The following GRIN2A variants were observed in gnomAD, a reference collection of about 807,000 sequenced individuals.
GRIN2A encodes glutamate ionotropic receptor NMDA type subunit 2A.
In GRIN2A, 22 loss-of-function variants were observed where a neutral mutation model predicts 113.4. That is an observed-to-expected ratio of 0.19 (90% CI 0.14 to 0.28). The LOEUF (loss-of-function observed/expected upper bound fraction) is 0.28, where lower values mean the gene tolerates loss of function less well. Among genes scored for constraint, GRIN2A ranks in the 10% least tolerant of loss-of-function variants. GRIN2A has a pLI of 1.00. For synonymous variants in GRIN2A, 827 were observed against 738.4 expected (o/e 1.12, Z -1.94); for missense variants, 1,502 against 1,887.0 (o/e 0.80, Z 3.78).
At chr16:9,772,161 C>G (rs965329776) in intron 11 of GRIN2A, among the ~76,000 whole-genome samples, 3 of 152,138 alleles carry the variant, frequency 2.0e-5, no homozygotes, top group Non-Finnish European at 2.9e-5. Context: ...TTTCTTCCAA[C>G]AGCCTCCCAT....
intron 2 of GRIN2A, among the ~76,000 whole-genome samples, chr16:10,107,233 C>A (rs191659555): frequency 6.6e-6 from 1 of 152,244 alleles, no homozygotes; most frequent in Admixed American, 6.5e-5. Context: ...TAGTCCCAGC[C>A]CCTGTGTCCA....
rs138117658 is a variant in GRIN2A, at chr16:9,938,297, G to A, written c.669C>T (p.His223=). The A allele has an allele frequency of 1.1e-4, 182 of 1,613,246 alleles. 2 individuals are homozygous for A. The African/African-American group carries it at 2.1e-3, about 19-fold the overall frequency. ...AKTQVQLKKI[H]SSVILLYCSK... is the part of the protein sequence containing the mutation. ...AACAGTAGAGCAAGATGACAGAAGA[G>A]TGGATCTTCTTCAGCTGGACTTGTG... Residue 223 remains histidine, a synonymous_variant, in exon 3 of 13, where the codon CAC becomes CAT. Coordinates refer to ENST00000330684, the MANE Select transcript of GRIN2A (RefSeq NM_001134407.3).
intron 2 of GRIN2A, among the ~76,000 whole-genome samples, chr16:10,067,957 C>T (rs2047680615): frequency 6.6e-6 from 1 of 152,242 alleles, no homozygotes; most frequent in Non-Finnish European, 1.5e-5. Context: ...TACAGATCAG[C>T]TCTGCTACTC....
chr16:9,804,519 CA>C (rs2041927589), intron 10 of GRIN2A, among the ~76,000 whole-genome samples: 1 of 152,034 alleles, frequency 6.6e-6, no homozygotes, highest in African/African-American at 2.4e-5. Flanking sequence ...GTGTTTCTCC[CA>C]CTGGGCAGGA....
Position 10,163,153 on chromosome 16 carries a change from G to C in GRIN2A, c.414+16845C>G, listed in dbSNP as rs78964394. On this transcript the variant is annotated intron_variant, in intron 2 of 12. Coordinates refer to ENST00000330684, the MANE Select transcript of GRIN2A (RefSeq NM_001134407.3). ...AATTGTTTGGGAATCTCTTGCCCTA[G>C]AAGACAGGGAACATGGGAGTGGGGA... is the stretch of plus-strand genomic sequence containing the variant. 4.5e-3 allele frequency among the ~76,000 whole-genome samples: 681 copies of C among 152,260 alleles called. 2 individuals carry two copies. The highest frequency in any genetic ancestry group is 0.015 in the African/African-American group (606 of 41,542).
chr16:10,086,108 T>C (rs1467567001), intron 2 of GRIN2A, among the ~76,000 whole-genome samples: 1 of 152,200 alleles, frequency 6.6e-6, no homozygotes, highest in Non-Finnish European at 1.5e-5. Flanking sequence ...AAGTGTTTGT[T>C]GAATTGGATG....
chr16:10,078,279 G>A (rs917221196), intron 2 of GRIN2A, among the ~76,000 whole-genome samples: 4 of 152,032 alleles, frequency 2.6e-5, no homozygotes, highest in East Asian at 1.9e-4. Flanking sequence ...AGCTTTACCA[G>A]CCAAGTGCCT....
chr16:9,974,581 G>A (rs890988022), intron 2 of GRIN2A, among the ~76,000 whole-genome samples: 2 of 152,100 alleles, frequency 1.3e-5, no homozygotes, highest in Non-Finnish European at 2.9e-5. Context: ...GCCGATGCTC[G>A]CGGCCGAATA....
intron 2 of GRIN2A, among the ~76,000 whole-genome samples, chr16:9,964,313 C>A (rs1472980023): frequency 6.6e-6 from 1 of 152,196 alleles, no homozygotes; most frequent in Non-Finnish European, 1.5e-5. Flanking sequence ...AAATATGGGA[C>A]CTTGCACAAT....
At chr16:10,112,776 G>A (rs911585849) in intron 2 of GRIN2A, 2 of 705,820 alleles carry the variant, frequency 2.8e-6, no homozygotes, top group Admixed American at 1.8e-5. Flanking sequence ...TAACCAGCAT[G>A]GCTCCATGAT....
At chr16:10,148,342 G>A (rs1469061571) in intron 2 of GRIN2A, among the ~76,000 whole-genome samples, 1 of 152,172 alleles carries the variant, frequency 6.6e-6, no homozygotes, top group Non-Finnish European at 1.5e-5. Flanking sequence ...AGAAAAGTAT[G>A]ACCTAAGTTA....
At chr16:10,158,258 G>A (rs2049743710) in intron 2 of GRIN2A, among the ~76,000 whole-genome samples, 1 of 152,288 alleles carries the variant, frequency 6.6e-6, no homozygotes, top group African/African-American at 2.4e-5. Flanking sequence ...ACCCGTCTCA[G>A]CCTCCCAAAG....
intron 2 of GRIN2A, among the ~76,000 whole-genome samples, chr16:10,073,128 G>C (rs1328268194): frequency 6.6e-6 from 1 of 151,776 alleles, no homozygotes; most frequent in Non-Finnish European, 1.5e-5. Context: ...GCTAGTTTTT[G>C]TATTGTTAGT....
chr16:10,103,301 A>G (rs1211416300), intron 2 of GRIN2A, among the ~76,000 whole-genome samples: 2 of 152,166 alleles, frequency 1.3e-5, no homozygotes, highest in East Asian at 3.8e-4. Flanking sequence ...AAGAAACAAC[A>G]CACTTGGGGA....
At chr16:10,040,063 A>G (rs1353471808) in intron 2 of GRIN2A, among the ~76,000 whole-genome samples, 16 of 11,818 alleles carry the variant, frequency 1.4e-3, no homozygotes, top group African/African-American at 4.3e-3. Flanking sequence ...CCATAAATAC[A>G]CTACACACAT....
intron 2 of GRIN2A, among the ~76,000 whole-genome samples, chr16:10,117,584 G>A (rs989106927): frequency 2.0e-5 from 3 of 152,096 alleles, no homozygotes; most frequent in African/African-American, 7.2e-5. Context: ...ACCTCACTGG[G>A]TCTTCCTGGA....
intron 2 of GRIN2A, among the ~76,000 whole-genome samples, chr16:10,039,806 G>GAGA (rs1555469296): frequency 3.7e-5 from 2 of 54,578 alleles, no homozygotes; most frequent in African/African-American, 2.1e-4. Context: ...GGGGGAGGGG[G>GAGA]GGGAGAAAGA....
chr16:9,922,754 T>C (rs975976260), intron 3 of GRIN2A, among the ~76,000 whole-genome samples: 2 of 147,884 alleles, frequency 1.4e-5, no homozygotes, highest in Non-Finnish European at 3.0e-5. Flanking sequence ...TACCCATAGG[T>C]TATTTAGAAG....
intron 11 of GRIN2A, 83 bp downstream of exon 11, chr16:9,798,194 A>T: frequency 9.3e-7 from 1 of 1,076,978 alleles, no homozygotes; most frequent in Non-Finnish European, 1.4e-6. Flanking sequence ...TCATGCAAAG[A>T]TCCACTGGGA....
Sources: gnomAD v4.1 joint callset for allele counts (sites outside exome capture counted in the v4.1 genomes callset) on GRCh38, gnomAD v4.1.1 for gene constraint, MANE v1.5 for transcripts, NCBI Gene and HGNC (gene_info 2026-07-23, HGNC 2026-07-21) for gene names.